Variants in SGCD observed in about 807,000 individuals in gnomAD.
SGCD encodes the protein delta-sarcoglycan.
A neutral mutation model predicts 36.6 loss-of-function variants in SGCD; 18 were observed. The ratio of observed to expected loss-of-function variants is 0.49; its 90% confidence interval spans 0.34 to 0.73. SGCD has a LOEUF of 0.73. SGCD is among the 30% of genes least tolerant of loss of function. The pLI is 0.01. For missense variants in SGCD, 387 were observed against 346.7 expected, an observed-to-expected ratio of 1.12 and a Z score of -0.92; for synonymous variants, 133 against 130.6, an observed-to-expected ratio of 1.02 and a Z score of -0.12.
intron 4 of SGCD, among the ~76,000 whole-genome samples, chr5:156,515,552 A>G (rs927169109): frequency 3.2e-4 from 48 of 152,192 alleles, no homozygotes; most frequent in African/African-American, 8.7e-4. Context: ...CAGCACAGGC[A>G]ATGGGGAGTT....
chr5:155,888,342 C>T (rs925394999), intron 1 of SGCD, among the ~76,000 whole-genome samples: 2 of 152,186 alleles, frequency 1.3e-5, no homozygotes, highest in Non-Finnish European at 2.9e-5. Flanking sequence ...CAACTTCTAT[C>T]CTGCTGTCCA....
At chr5:156,418,402 C>A (rs1171821358) in intron 3 of SGCD, among the ~76,000 whole-genome samples, 1 of 152,056 alleles carries the variant, frequency 6.6e-6, no homozygotes, top group Non-Finnish European at 1.5e-5. Context: ...CCAGGTGGCT[C>A]CAGCAGCCAC....
chr5:156,348,288 T>A (rs1769051310), intron 3 of SGCD, among the ~76,000 whole-genome samples: 1 of 151,958 alleles, frequency 6.6e-6, no homozygotes, highest in South Asian at 2.1e-4. Flanking sequence ...ATAAAGGGCA[T>A]CCAAATTGGG....
At chr5:155,860,918 C>T in the SGCD span, among the ~76,000 whole-genome samples, 1 of 152,098 alleles carries the variant, frequency 6.6e-6, no homozygotes, top group South Asian at 2.1e-4. Context: ...TTATAAACTC[C>T]AAGTTGTAGG....
chr5:156,238,781 C>T (rs1765229325), intron 3 of SGCD, among the ~76,000 whole-genome samples: 1 of 152,120 alleles, frequency 6.6e-6, no homozygotes, highest in Non-Finnish European at 1.5e-5. Context: ...TGTGGTTTGA[C>T]TGTGCATGTG....
the SGCD span, among the ~76,000 whole-genome samples, chr5:155,797,505 G>T: frequency 6.6e-6 from 1 of 152,180 alleles, no homozygotes; most frequent in Non-Finnish European, 1.5e-5. Flanking sequence ...AAGGCCAATA[G>T]AATTGCTATT....
chr5:156,765,352 T>G lies in SGCD; in HGVS notation c.*5962T>G, dbSNP rs1757569727. On this transcript the variant is annotated 3_prime_UTR_variant, in exon 9 of 9. Coordinates refer to ENST00000337851, the MANE Select transcript of SGCD (RefSeq NM_000337.6). ...CGACACTTGTCAACAAGGAAGACAG[T>G]GTTTCTTTAGTTCCCATATTCATCT... 1 of 152,104 alleles carries G rather than the reference T, an allele frequency of 6.6e-6. No individual in the cohort carries two copies. Among genetic ancestry groups the G allele is most frequent in the Non-Finnish European group, 1.5e-5 (1 of 68,016 alleles). 9.4% of individuals were successfully genotyped at this position (152,104 alleles called of 1,614,324 possible). A position where few individuals can be genotyped will look rare whatever the true frequency, so the allele number is the denominator to read the frequency against.
intron 1 of SGCD, among the ~76,000 whole-genome samples, chr5:155,903,322 A>G (rs541639830): frequency 5.3e-5 from 8 of 152,104 alleles, no homozygotes; most frequent in African/African-American, 1.7e-4. Flanking sequence ...AAAGGGGAGA[A>G]TCTTTCTGGA....
At chr5:155,794,038 T>G in the SGCD span, among the ~76,000 whole-genome samples, 1 of 150,190 alleles carries the variant, frequency 6.7e-6, no homozygotes, top group Admixed American at 6.6e-5. Context: ...GAAACAAAGA[T>G]TAGTGTTGAA....
At chr5:155,887,419 A>T (rs1756030519) in intron 1 of SGCD, among the ~76,000 whole-genome samples, 1 of 152,178 alleles carries the variant, frequency 6.6e-6, no homozygotes, top group South Asian at 2.1e-4. Flanking sequence ...CATTAAACTC[A>T]AACTAACTAC....
chr5:155,758,087 T>A, the SGCD span, among the ~76,000 whole-genome samples: 2 of 152,170 alleles, frequency 1.3e-5, no homozygotes, highest in African/African-American at 4.8e-5. Flanking sequence ...CTCAGGAATG[T>A]CTTTATCAGC....
the SGCD span, among the ~76,000 whole-genome samples, chr5:155,774,029 A>C: frequency 6.6e-6 from 1 of 152,090 alleles, no homozygotes. Context: ...TTGGAATCAG[A>C]TTTTTATAAT....
chr5:156,174,763 G>C (rs1436334814), intron 3 of SGCD, among the ~76,000 whole-genome samples: 2 of 152,166 alleles, frequency 1.3e-5, no homozygotes, highest in African/African-American at 4.8e-5. Flanking sequence ...CTATGTGAGT[G>C]ATAGGAAAAA....
intron 7 of SGCD, among the ~76,000 whole-genome samples, chr5:156,733,581 C>CTAA (rs922808159): frequency 2.4e-4 from 37 of 152,210 alleles, no homozygotes; most frequent in African/African-American, 8.4e-4. Flanking sequence ...TCTCAATGAT[C>CTAA]TAATATTGTC....
chr5:156,051,704 ATATAT>A (rs1317281978), intron 1 of SGCD, among the ~76,000 whole-genome samples: 1 of 146,082 alleles, frequency 6.8e-6, no homozygotes, highest in Non-Finnish European at 1.5e-5. Context: ...AAACAAACAA[ATATAT>A]AAATGAGCAC....
intron 6 of SGCD, among the ~76,000 whole-genome samples, chr5:156,642,461 CTTTTTTTTTTTTTTT>C (rs58501471): frequency 1.2e-5 from 1 of 80,046 alleles, no homozygotes. Context: ...CAGCATCAGT[CTTTTTTTTTTTTTTT>C]TTTTTTTTTC....
In SGCD at chr5:156,406,837, CACACAT is replaced by C. The variant is rs1255006304; in HGVS notation, c.192+62162_192+62167del. Reference sequence around the variant, plus strand: ...ATATATATACACACACACACACACACACACATATATATGTGTATATATATTAGTTTA... The same window carrying C: ...ATATATATACACACACACACACACACATATATGTGTATATATATTAGTTTA... On this transcript the variant is annotated intron_variant, in intron 3 of 8. Coordinates refer to ENST00000337851, the MANE Select transcript of SGCD (RefSeq NM_000337.6). Among the ~76,000 whole-genome samples the C allele has an allele frequency of 1.5e-3, 172 of 114,514 alleles. 6 individuals carry two copies. The highest frequency in any genetic ancestry group is 2.1e-3 in the Non-Finnish European group (118 of 55,922). The allele number at this position is 114,514 out of a possible 152,430, so 75.1% of individuals were successfully genotyped here.
intron 6 of SGCD, among the ~76,000 whole-genome samples, chr5:156,606,137 T>A (rs906463200): frequency 5.3e-5 from 8 of 152,170 alleles, no homozygotes; most frequent in African/African-American, 1.9e-4. Context: ...ATGTCCTGAA[T>A]GGTATTGCCT....
intron 1 of SGCD, among the ~76,000 whole-genome samples, chr5:156,093,692 A>G (rs2127594892): frequency 6.6e-6 from 1 of 152,210 alleles, no homozygotes; most frequent in East Asian, 1.9e-4. Flanking sequence ...TATTATTTGG[A>G]TTGGTCTCAG....
Sources: gnomAD v4.1 joint callset for allele counts (sites outside exome capture counted in the v4.1 genomes callset) on GRCh38, gnomAD v4.1.1 for gene constraint, MANE v1.5 for transcripts, NCBI Gene and HGNC (gene_info 2026-07-23, HGNC 2026-07-21) for gene names.